KANK4: variants seen among roughly 807,000 people sequenced by gnomAD.
KANK4 encodes KN motif and ankyrin repeat domains 4, also known as KN motif and ankyrin repeat domain-containing protein 4.
KANK4 carries 50 observed loss-of-function variants against 80.8 expected under a neutral mutation model. The observed-to-expected ratio is 0.62, with a 90% CI of 0.49 to 0.78. The LOEUF (loss-of-function observed/expected upper bound fraction) is 0.78, where lower values mean the gene tolerates loss of function less well. Ranked by LOEUF, KANK4 falls within the 30% of genes least tolerant of loss-of-function variation. The pLI is 0.00. For synonymous variants in KANK4, 465 were observed against 506.9 expected (o/e 0.92, Z 1.11); for missense variants, 1,196 against 1,240.1 (o/e 0.96, Z 0.53).
intron 1 of KANK4, among the ~76,000 whole-genome samples, chr1:62,309,210 G>T (rs192828247): frequency 5.3e-5 from 8 of 152,320 alleles, no homozygotes; most frequent in African/African-American, 1.7e-4. Flanking sequence ...GTCCTCACAT[G>T]ACAGAAGGGT....
chr1:62,274,953 T>G lies in KANK4; in HGVS notation c.151A>C (p.Thr51Pro), dbSNP rs1672275612. The change falls in exon 3 of 10, where the codon ACT becomes CCT. Residue 51 changes from threonine to proline, a missense_variant. Physicochemically the swap from Thr to Pro is conservative, Grantham distance 38 (BLOSUM62 -1). Around this residue, in one of 3 missense-constraint regions of KANK4, gnomAD observed 6 missense variants for 26.4 expected, o/e 0.23. Transcript: ENST00000371153. The part of the protein sequence containing the change: ...KYVDDIEKGN[T>P]IKRIPIHRRA... ...CTGTGGATAGGAATTCTTTTGATAGTGTTTCCCTTCTCGATGTCATCCACA... is the reference window on the plus strand; with the variant it reads ...CTGTGGATAGGAATTCTTTTGATAGGGTTTCCCTTCTCGATGTCATCCACA... 1 of 1,614,004 alleles carries G rather than the reference T, an allele frequency of 6.2e-7. No homozygotes were observed. The highest frequency in any genetic ancestry group is 8.5e-7 in the Non-Finnish European group (1 of 1,180,020).
chr1:62,275,027 G>T lies in KANK4; in HGVS notation c.77C>A (p.Ser26Tyr). Residue 26 changes from serine (S) to tyrosine (Y), a missense_variant, in exon 3 of 10, where the codon TCT becomes TAT. This residue lies in a region of KANK4 where 36 missense variants were observed against 34.0 expected (regional missense o/e 1.06). Coordinates refer to ENST00000371153, the MANE Select transcript of KANK4 (RefSeq NM_181712.5). ...ATGAAAGCCATATGGGGTCTCCACAGAATAAGGGTGGCTCTTCGGAGGGTC... is the reference window on the plus strand; with the variant it reads ...ATGAAAGCCATATGGGGTCTCCACATAATAAGGGTGGCTCTTCGGAGGGTC... ...EKDPPKSHPY[S>Y]VETPYGFHLD... The T allele has an allele frequency of 1.2e-6, 2 of 1,614,010 alleles. No individual in the cohort carries two copies. The highest frequency in any genetic ancestry group is 1.3e-5 in the African/African-American group (1 of 74,996).
At chr1:62,275,253 A>T (rs1357394878) in intron 2 of KANK4, among the ~76,000 whole-genome samples, 166 bp from the exon 3 acceptor site, 1 of 152,178 alleles carries the variant, frequency 6.6e-6, no homozygotes, top group Non-Finnish European at 1.5e-5. Flanking sequence ...TTTTGGCTGT[A>T]TTGGAAAATC....
rs12094251 is a variant in KANK4 at position 62,292,754 on chromosome 1, C to G, written c.-70-11120G>C. Among the ~76,000 whole-genome samples the G allele has an allele frequency of 3.8e-3, 577 of 152,254 alleles. 10 individuals are homozygous for G. Among genetic ancestry groups the G allele is most frequent in the African/African-American group, 0.013 (527 of 41,554 alleles). Reference sequence around the variant, plus strand: ...CACCTGTTCTACACAAGGAAGTCAGCTGATCACTGATTTGTCAGCCTGCTG... The same window carrying G: ...CACCTGTTCTACACAAGGAAGTCAGGTGATCACTGATTTGTCAGCCTGCTG... On this transcript the variant is annotated intron_variant, in intron 1 of 9. Coordinates refer to ENST00000371153, the MANE Select transcript of KANK4 (RefSeq NM_181712.5).
chr1:62,285,573 G>A (rs529595061), intron 1 of KANK4, among the ~76,000 whole-genome samples: 17 of 152,204 alleles, frequency 1.1e-4, no homozygotes, highest in African/African-American at 4.1e-4. Flanking sequence ...TAAAAATGTG[G>A]TATTTCATCC....
chr1:62,255,585 G>T (rs1361673578), intron 7 of KANK4, among the ~76,000 whole-genome samples: 4 of 151,968 alleles, frequency 2.6e-5, no homozygotes, highest in African/African-American at 9.7e-5. Flanking sequence ...GCCTTTCTTA[G>T]CATTTCCTTC....
At chr1:62,284,031 C>A (rs749919919) in intron 1 of KANK4, among the ~76,000 whole-genome samples, 1 of 152,046 alleles carries the variant, frequency 6.6e-6, no homozygotes. Context: ...GGTTTCTCGG[C>A]AACTTTTTAC....
intron 8 of KANK4, among the ~76,000 whole-genome samples, chr1:62,249,964 T>C (rs1671572802): frequency 6.6e-6 from 1 of 151,912 alleles, no homozygotes; most frequent in South Asian, 2.1e-4. Context: ...TGAGCCACCG[T>C]GCCTGACTGT....
intron 1 of KANK4, among the ~76,000 whole-genome samples, chr1:62,300,808 C>T (rs947125098): frequency 1.3e-5 from 2 of 152,062 alleles, no homozygotes; most frequent in Admixed American, 1.3e-4. Context: ...TATTAGTAGA[C>T]ATTCAATAAA....
intron 1 of KANK4, among the ~76,000 whole-genome samples, chr1:62,318,020 A>G (rs1445718298): frequency 4.6e-5 from 7 of 152,174 alleles, no homozygotes; most frequent in Admixed American, 2.6e-4. Flanking sequence ...CTCTGCCTCC[A>G]TTCCCAGTGT....
intron 1 of KANK4, among the ~76,000 whole-genome samples, chr1:62,316,478 A>G (rs1174281712): frequency 1.3e-5 from 2 of 152,216 alleles, no homozygotes; most frequent in Non-Finnish European, 2.9e-5. Context: ...TTTAAACTGC[A>G]AGTCAGGAGC....
intron 1 of KANK4, among the ~76,000 whole-genome samples, chr1:62,291,139 T>C (rs1672670731): frequency 6.6e-6 from 1 of 152,212 alleles, no homozygotes. Context: ...TAGGTATGAA[T>C]TGGTATCTCA....
chr1:62,280,347 A>G (rs1672425793), intron 2 of KANK4, among the ~76,000 whole-genome samples: 1 of 152,118 alleles, frequency 6.6e-6, no homozygotes, highest in Non-Finnish European at 1.5e-5. Context: ...GTGTGCTGAG[A>G]AGGGACTGAG....
At chr1:62,246,527 T>C (rs1250687327) in intron 9 of KANK4, among the ~76,000 whole-genome samples, 1 of 152,138 alleles carries the variant, frequency 6.6e-6, no homozygotes, top group African/African-American at 2.4e-5. Flanking sequence ...GATGGTGTTG[T>C]GAAAGGTCAG....
chr1:62,281,318 A>G (rs1672446155), intron 2 of KANK4, among the ~76,000 whole-genome samples: 1 of 152,218 alleles, frequency 6.6e-6, no homozygotes, highest in Admixed American at 6.5e-5. Flanking sequence ...ACATTAAATG[A>G]CTTGTAGAAT....
chr1:62,267,266 G>A (rs1178019353), intron 5 of KANK4, among the ~76,000 whole-genome samples: 1 of 151,988 alleles, frequency 6.6e-6, no homozygotes, highest in African/African-American at 2.4e-5. Context: ...CTTCCATGAA[G>A]GACACCGTAA....
chr1:62,285,705 A>G (rs377369540), intron 1 of KANK4, among the ~76,000 whole-genome samples: 1 of 152,112 alleles, frequency 6.6e-6, no homozygotes, highest in African/African-American at 2.4e-5. Context: ...AAAGTCAAGT[A>G]TTTAGCAAGG....
intron 7 of KANK4, among the ~76,000 whole-genome samples, chr1:62,260,452 T>C (rs1356493488): frequency 2.0e-5 from 3 of 152,104 alleles, no homozygotes; most frequent in African/African-American, 7.2e-5. Context: ...GTTCCTCTTC[T>C]TTCTTGGATT....
At chr1:62,308,939 C>T (rs1219755999) in intron 1 of KANK4, among the ~76,000 whole-genome samples, 1 of 152,188 alleles carries the variant, frequency 6.6e-6, no homozygotes, top group Non-Finnish European at 1.5e-5. Flanking sequence ...CCTCCATCTC[C>T]TCCCTTAGGG....
Sources: gnomAD v4.1 joint callset for allele counts (sites outside exome capture counted in the v4.1 genomes callset) on GRCh38, gnomAD v4.1.1 for gene constraint, gnomAD v4.1.1 regional missense constraint, MANE v1.5 for transcripts, NCBI Gene and HGNC (gene_info 2026-07-23, HGNC 2026-07-21) for gene names.